Variants in SLX4 observed in about 807,000 individuals in gnomAD.
SLX4 encodes structure-specific endonuclease subunit SLX4.
Under a neutral mutation model 146.2 loss-of-function variants are expected in SLX4, and 112 were observed. The observed-to-expected ratio is 0.77, with a 90% CI of 0.66 to 0.90. SLX4 has a LOEUF of 0.90. SLX4 is among the 40% of genes least tolerant of loss of function. The pLI is 0.00. For synonymous variants in SLX4, 1,061 were observed against 997.7 expected, an observed-to-expected ratio of 1.06 and a Z score of -1.20; for missense variants, 2,563 against 2,392.7, an observed-to-expected ratio of 1.07 and a Z score of -1.49.
rs1311038627 is a variant in SLX4, at chr16:3,611,596, C to G, written c.-639G>C. 1 of 152,102 alleles carries G rather than the reference C, an allele frequency of 6.6e-6. No individual in the cohort carries two copies. Among genetic ancestry groups the G allele is most frequent in the African/African-American group, 2.4e-5 (1 of 41,450 alleles). 9.4% of individuals were successfully genotyped at this position (152,102 alleles called of 1,614,324 possible). ...CCGCGGCACCTTCTTAACGGAGACT[C>G]GCGCGCCTGCGCATGCGCCGCCCGC... is the stretch of plus-strand genomic sequence containing the variant. On this transcript the variant is annotated 5_prime_UTR_variant, in exon 1 of 15. Coordinates refer to ENST00000294008, the MANE Select transcript of SLX4 (RefSeq NM_032444.4).
chr16:3,601,865 CCAGAAGTGATTGTGGTGACAG>C, intron 4 of SLX4: 1 of 484,684 alleles, frequency 2.1e-6, no homozygotes, highest in Admixed American at 3.3e-5. Flanking sequence ...TGAAAATAAT[CCAGAAGTGATTGTGGTGACAG>C]TTGCCCAACT....
At chr16:3,601,254 T>C (rs1198865456) in intron 4 of SLX4, 63 bp from the exon 5 acceptor site, 1 of 1,552,894 alleles carries the variant, frequency 6.4e-7, no homozygotes, top group Admixed American at 1.7e-5. Context: ...GGAGCAAATG[T>C]GGGTCCAGGT....
chr16:3,605,154 A>G (rs1231556440), intron 3 of SLX4, among the ~76,000 whole-genome samples: 2 of 151,776 alleles, frequency 1.3e-5, no homozygotes, highest in East Asian at 1.9e-4. Context: ...CAGTGGTGCA[A>G]TCTCGGCTCA....
At chr16:3,602,342 C>T (rs766543107) in intron 3 of SLX4, 35 bp from the exon 4 acceptor site, 6 of 1,610,132 alleles carry the variant, frequency 3.7e-6, no homozygotes, top group Non-Finnish European at 4.2e-6. Flanking sequence ...TGAGAATAAA[C>T]TCCAAAGACA....
intron 5 of SLX4, 123 bp from the exon 6 acceptor site, chr16:3,598,122 A>G (rs2040687224): frequency 1.8e-6 from 2 of 1,096,566 alleles, no homozygotes. Flanking sequence ...CCTGCCAGGC[A>G]GATGCGTCCC....
In SLX4 at chr16:3,598,046, C is replaced by T. The variant is rs754721264; in HGVS notation, c.1164-47G>A. On this transcript the variant is annotated intron_variant, in intron 5 of 14. Coordinates refer to ENST00000294008, the MANE Select transcript of SLX4 (RefSeq NM_032444.4). ...AAGTTACTGGGGCTAGAGGAGTGCA[C>T]GCTTCTCAGGTTGGTCACACTGGTC... 56 of 1,609,554 alleles carry T rather than the reference C, an allele frequency of 3.5e-5. No individual in the cohort carries two copies. The East Asian group carries it at 5.6e-4, about 16-fold the overall frequency.
chr16:3,601,120 T>C lies in SLX4; in HGVS notation c.1022A>G (p.Lys341Arg), dbSNP rs2151134129. ...TCTGCTCTTTAAGGTAAGAAACGGT[T>C]TCCCACAAATCGGGCACTCAGGGAT... ...PQIPECPICG[K>R]PFLTLKSRTS... Residue 341 changes from lysine (K) to arginine (R), a missense_variant, in exon 5 of 15, where the codon AAA becomes AGA. Coordinates refer to ENST00000294008, the MANE Select transcript of SLX4 (RefSeq NM_032444.4). The C allele has an allele frequency of 1.2e-6, 2 of 1,614,134 alleles. No individual in the cohort carries two copies. The highest frequency in any genetic ancestry group is 1.7e-6 in the Non-Finnish European group (2 of 1,180,030).
Position 3,582,229 on chromosome 16 carries a change from G to C in SLX4, c.*113C>G. 1 of 841,170 alleles carries C rather than the reference G, an allele frequency of 1.2e-6. No individual in the cohort carries two copies. The allele number at this position is 841,170 out of a possible 1,614,324, so 52.1% of individuals were successfully genotyped here. On this transcript the variant is annotated 3_prime_UTR_variant, in exon 15 of 15. Transcript: ENST00000294008. ...AGCGCAGAGCTGATGTGGTCCCCAG[G>C]CCCAGAAATGCCTGTGGAGGCCTGA...
At chr16:3,602,084 A>C in intron 4 of SLX4, 34 bp downstream of exon 4, 7 of 1,613,720 alleles carry the variant, frequency 4.3e-6, no homozygotes, top group Non-Finnish European at 5.9e-6. Flanking sequence ...CTGGTCACAT[A>C]CACGGGAGAG....
Position 3,583,304 on chromosome 16 carries a change from G to T in SLX4, c.4946C>A (p.Thr1649Lys), listed in dbSNP as rs2040464427. Residue 1649 changes from threonine to lysine, a missense_variant, in exon 14 of 15, where the codon ACA (threonine) becomes AAA (lysine). Transcript: ENST00000294008. ...CTTGGGCCTATGGGCCCCAGGTCCTGTGGTGGCCTCCTGCTGGGCATGGAC... is the reference window on the plus strand; with the variant it reads ...CTTGGGCCTATGGGCCCCAGGTCCTTTGGTGGCCTCCTGCTGGGCATGGAC... ...AGVHAQQEATTGPGAHRPKGP... is the reference protein window; with the variant it reads ...AGVHAQQEATKGPGAHRPKGP... The T allele has an allele frequency of 6.2e-7, 1 of 1,614,066 alleles. No homozygotes were observed. Among genetic ancestry groups the T allele is most frequent in the African/African-American group, 1.3e-5 (1 of 74,932 alleles).
At position 3,590,689 on chromosome 16, in the gene SLX4, G is replaced by A. The variant is rs758944750; in HGVS notation, c.2949C>T (p.Tyr983=). The A allele has an allele frequency of 1.1e-4, 178 of 1,614,050 alleles. No individual in the cohort carries two copies. Among genetic ancestry groups the A allele is most frequent in the Non-Finnish European group, 1.5e-4 (173 of 1,180,044 alleles). ...CCTGAGTTGATGAGAAGAGCTGTTCGTAATCCCCGGCATCATCTGAGTGCG... is the reference window on the plus strand; with the variant it reads ...CCTGAGTTGATGAGAAGAGCTGTTCATAATCCCCGGCATCATCTGAGTGCG... The part of the protein sequence containing the change: ...SLPHSDDAGD[Y]EQLFSSTQGE... Residue 983 remains tyrosine, a synonymous_variant, in exon 12 of 15, where the codon TAC becomes TAT. Coordinates refer to ENST00000294008, the MANE Select transcript of SLX4 (RefSeq NM_032444.4). The surrounding 1 kb of genome is among the most constrained non-coding windows in gnomAD (Gnocchi z 4.8).
At position 3,608,758 on chromosome 16, in the gene SLX4, T is replaced by G; in HGVS notation, c.207A>C (p.Glu69Asp). ...FQRVKKHGIK[E>D]VSGERKTQKA... The stretch of plus-strand genomic sequence containing the variant: ...TTTGTGTCTTCCTTTCTCCTGACAC[T>G]TCCTTGATTCCATGTTTTTTCACCC... Residue 69 changes from glutamate (E) to aspartate (D), a missense_variant, in exon 2 of 15, where the codon GAA becomes GAC. Physicochemically the swap from Glu to Asp is conservative, Grantham distance 45. Transcript: ENST00000294008. The G allele has an allele frequency of 3.7e-6, 6 of 1,614,210 alleles. No individual in the cohort carries two copies. The highest frequency in any genetic ancestry group is 5.1e-6 in the Non-Finnish European group (6 of 1,180,040).
In SLX4 at chr16:3,590,215, A is replaced by G. The variant is rs1596521552; in HGVS notation, c.3423T>C (p.Ser1141=). 4 of 1,614,210 alleles carry G rather than the reference A, an allele frequency of 2.5e-6. No individual in the cohort carries two copies. Among genetic ancestry groups the G allele is most frequent in the Non-Finnish European group, 3.4e-6 (4 of 1,180,038 alleles). The stretch of plus-strand genomic sequence containing the variant: ...CATCTTCTTCGTTCAGTTTGGATGA[A>G]GATTTCTGAGATCTGGAGCTCGAAT... ...PDHSSSRSQK[S]SSKLNEEDEV... The change falls in exon 12 of 15, where the codon TCT becomes TCC. Residue 1141 remains serine (S), a synonymous_variant. Transcript: ENST00000294008. The surrounding 1 kb of genome is among the most constrained non-coding windows in gnomAD (Gnocchi z 4.8).
At chr16:3,594,735 A>G in intron 9 of SLX4, 136 bp from the exon 10 acceptor site, 1 of 1,147,964 alleles carries the variant, frequency 8.7e-7, no homozygotes, top group Non-Finnish European at 1.3e-6. Context: ...CCTCTCCAAA[A>G]CGCTTCCCAC....
rs2040561525 is a variant in SLX4 at position 3,589,927 on chromosome 16, C to A, written c.3711G>T (p.Leu1237=). The A allele has an allele frequency of 6.2e-7, 1 of 1,613,906 alleles. No homozygotes were observed. The highest frequency in any genetic ancestry group is 1.1e-5 in the South Asian group (1 of 91,074). ...GSLGRRGAPW[L]FCDRESSPSE... ...TGGGGCTGCTCTCACGGTCACAGAACAGCCAGGGAGCCCCTCTCCTGCCCA... is the reference window on the plus strand; with the variant it reads ...TGGGGCTGCTCTCACGGTCACAGAAAAGCCAGGGAGCCCCTCTCCTGCCCA... The change falls in exon 12 of 15, where the codon CTG becomes CTT. Residue 1237 remains leucine (L), a synonymous_variant. Coordinates refer to ENST00000294008, the MANE Select transcript of SLX4 (RefSeq NM_032444.4). The surrounding 1 kb of genome is among the most constrained non-coding windows in gnomAD (Gnocchi z 6.2).
At chr16:3,585,673 GC>G (rs1330225543) in intron 12 of SLX4, among the ~76,000 whole-genome samples, 1 of 151,550 alleles carries the variant, frequency 6.6e-6, no homozygotes, top group African/African-American at 2.4e-5. Flanking sequence ...ATGAAAAGGT[GC>G]CCGACATCAT....
chr16:3,589,477 G>T lies in SLX4; in HGVS notation c.4161C>A (p.Thr1387=). 6.2e-7 allele frequency: 1 copy of T among 1,609,438 alleles called. No homozygotes were observed. The change falls in exon 12 of 15, where the codon ACC becomes ACA. Residue 1387 remains threonine, a synonymous_variant. Coordinates refer to ENST00000294008, the MANE Select transcript of SLX4 (RefSeq NM_032444.4). This position sits in a 1 kb window ranked among gnomAD's most constrained non-coding sequence, Gnocchi z 6.2. ...CGACTTCCACCACTTCACCCGCTGG[G>T]GTCTGGTTCAGGAAGCTTGGCCCAG... The part of the protein sequence containing the change: ...SPPGPSFLNQ[T]PAGEVVEVGD...
At position 3,591,121 on chromosome 16, in the gene SLX4, G is replaced by A. The variant is rs766929821; in HGVS notation, c.2517C>T (p.His839=). The A allele has an allele frequency of 9.9e-6, 16 of 1,613,950 alleles. No homozygotes were observed. The highest frequency in any genetic ancestry group is 6.6e-5 in the South Asian group (6 of 91,078). Residue 839 remains histidine, a synonymous_variant, in exon 12 of 15, where the codon CAC becomes CAT. Coordinates refer to ENST00000294008, the MANE Select transcript of SLX4 (RefSeq NM_032444.4). ...CATTCACGTTTTCTTGATCTTCTTC[G>A]TGGTCCTTGGATTTCAACAAAGTCT... ...EAETLLKSKD[H]EEDQENVNEA...
chr16:3,583,962 C>T (rs995099812), intron 13 of SLX4, among the ~76,000 whole-genome samples: 1 of 152,122 alleles, frequency 6.6e-6, no homozygotes, highest in Non-Finnish European at 1.5e-5. Flanking sequence ...TCACATCACT[C>T]TACTCCAGCC....
Sources: allele counts gnomAD v4.1 joint callset (sites outside exome capture counted in the v4.1 genomes callset), GRCh38; gene constraint gnomAD v4.1.1; non-coding constraint Gnocchi (gnomAD v3.1); transcripts MANE v1.5; gene names NCBI Gene and HGNC (gene_info 2026-07-23, HGNC 2026-07-21).